Variants in CACNA1B observed in about 807,000 individuals in gnomAD.
CACNA1B encodes voltage-dependent N-type calcium channel subunit alpha-1B.
In CACNA1B, 70 loss-of-function variants were observed where a neutral mutation model predicts 247.2. That is an observed-to-expected ratio of 0.28 (90% CI 0.23 to 0.35). CACNA1B has a LOEUF of 0.35. Among genes scored for constraint, CACNA1B ranks in the 10% least tolerant of loss-of-function variants. The pLI is 1.00. For synonymous variants in CACNA1B, 1,231 were observed against 1,294.4 expected (o/e 0.95, Z 1.05); for missense variants, 2,367 against 3,197.4 (o/e 0.74, Z 6.26).
At chr9:138,097,976 G>A (rs1961112433) in intron 37 of CACNA1B, among the ~76,000 whole-genome samples, 1 of 152,196 alleles carries the variant, frequency 6.6e-6, no homozygotes, top group Non-Finnish European at 1.5e-5. Flanking sequence ...GCCCTTCCCA[G>A]TCTGGACAAG....
intron 3 of CACNA1B, among the ~76,000 whole-genome samples, chr9:137,900,776 C>T (rs1564880974): frequency 2.5e-5 from 3 of 117,980 alleles, no homozygotes; most frequent in Non-Finnish European, 3.4e-5. Context: ...TCTGTGTGTC[C>T]CTGTGTCCTT....
chr9:137,991,547 A>C lies in CACNA1B; in HGVS notation c.1974+4693A>C, dbSNP rs150838817. Among the ~76,000 whole-genome samples the C allele has an allele frequency of 4.0e-3, 603 of 152,354 alleles. 5 individuals are homozygous for C. The highest frequency in any genetic ancestry group is 0.014 in the African/African-American group (576 of 41,586). On this transcript the variant is annotated intron_variant, in intron 15 of 46. Transcript: ENST00000371372. ...ACCTAGCCTTGCTAGAGATCTAGACATCCAAATACAAGAACTCAAAAAACA... is the reference window on the plus strand; with the variant it reads ...ACCTAGCCTTGCTAGAGATCTAGACCTCCAAATACAAGAACTCAAAAAACA...
intron 6 of CACNA1B, among the ~76,000 whole-genome samples, chr9:137,947,825 A>G (rs963408540): frequency 6.6e-6 from 1 of 151,730 alleles, no homozygotes; most frequent in Non-Finnish European, 1.5e-5. Flanking sequence ...CCATATAGGT[A>G]TGGTATCATT....
intron 3 of CACNA1B, chr9:137,890,122 G>A (rs1235421311): frequency 2.7e-5 from 4 of 149,780 alleles, no homozygotes; most frequent in Non-Finnish European, 4.5e-5. Flanking sequence ...TGCCTGAGGA[G>A]CCCAAATCCA....
chr9:137,996,893 T>TACAGATCACTTCTGCAAAC (rs1958507679), intron 15 of CACNA1B, among the ~76,000 whole-genome samples: 2 of 152,130 alleles, frequency 1.3e-5, no homozygotes, highest in African/African-American at 4.8e-5. Context: ...CTTCTGCAAA[T>TACAGATCACTTCTGCAAAC]ACAGATCACT....
chr9:138,023,258 G>A lies in CACNA1B; in HGVS notation c.2515G>A (p.Ala839Thr), dbSNP rs1361489058. 6.6e-7 allele frequency: 1 copy of A among 1,515,182 alleles called. No individual in the cohort carries two copies. Among genetic ancestry groups the A allele is most frequent in the South Asian group, 1.2e-5 (1 of 81,484 alleles). The allele number at this position is 1,515,182 out of a possible 1,614,324, so 93.9% of individuals were successfully genotyped here. A position where few individuals can be genotyped will look rare whatever the true frequency, so the allele number is the denominator to read the frequency against. The change falls in exon 19 of 47, where the codon GCG becomes ACG. Residue 839 changes from alanine to threonine, a missense_variant. This residue lies in a region of CACNA1B where 631 missense variants were observed against 631.1 expected (regional missense o/e 1.00). Coordinates refer to ENST00000371372, the MANE Select transcript of CACNA1B (RefSeq NM_000718.4). ...PVGGKARPEAAEAPEGVDPPR... is the reference protein window; with the variant it reads ...PVGGKARPEATEAPEGVDPPR... Reference sequence around the variant, plus strand: ...GGGAGGCAAAGCCCGACCTGAGGCTGCGGAGGCCCCCGAGGGCGTCGACCC... The same window carrying A: ...GGGAGGCAAAGCCCGACCTGAGGCTACGGAGGCCCCCGAGGGCGTCGACCC...
chr9:138,118,812 G>T (rs200225157), intron 44 of CACNA1B, 44 bp downstream of exon 44: 50 of 879,046 alleles, frequency 5.7e-5, no homozygotes, highest in Non-Finnish European at 7.8e-5. Context: ...GGGCAAGTGG[G>T]GGGTGGGGAA....
Position 138,122,048 on chromosome 9 carries a change from G to A in CACNA1B, c.*49G>A, listed in dbSNP as rs200850115. The A allele has an allele frequency of 6.6e-6, 10 of 1,510,560 alleles. No homozygotes were observed. In the South Asian group the frequency reaches 9.7e-5, roughly 15 times the overall value. The allele number at this position is 1,510,560 out of a possible 1,614,324, so 93.6% of individuals were successfully genotyped here. A position where few individuals can be genotyped will look rare whatever the true frequency, so the allele number is the denominator to read the frequency against. The stretch of plus-strand genomic sequence containing the variant: ...CTGCATGCAGCAGGCGTGTGTTCCA[G>A]TGGATGAGTTTTATCATCCACACGG... On this transcript the variant is annotated 3_prime_UTR_variant, in exon 47 of 47. Transcript: ENST00000371372.
At chr9:138,041,390 C>T (rs1959120193) in intron 20 of CACNA1B, among the ~76,000 whole-genome samples, 1 of 150,668 alleles carries the variant, frequency 6.6e-6, no homozygotes, top group South Asian at 2.1e-4. Flanking sequence ...AGTGAAAGCT[C>T]TCTTCCTTTC....
At chr9:137,949,116 TG>T (rs1313189434) in intron 6 of CACNA1B, among the ~76,000 whole-genome samples, 8 of 574 alleles carry the variant, frequency 0.014, no homozygotes, top group South Asian at 0.05. Context: ...GGTGGCTGTG[TG>T]TCCAGTGTGT....
Position 138,102,461 on chromosome 9 carries a change from G to T in CACNA1B, c.5223-250G>T, listed in dbSNP as rs767210510. Among the ~76,000 whole-genome samples, 2 of 152,084 alleles carry T rather than the reference G, an allele frequency of 1.3e-5. No individual in the cohort carries two copies. Among genetic ancestry groups the T allele is most frequent in the Admixed American group, 6.5e-5 (1 of 15,284 alleles). On this transcript the variant is annotated intron_variant, in intron 37 of 46. Coordinates refer to ENST00000371372, the MANE Select transcript of CACNA1B (RefSeq NM_000718.4). The surrounding 1 kb of genome is among the most constrained non-coding windows in gnomAD (Gnocchi z 5.4). ...AGACGCCACCCCCGCCCACTGCCCC[G>T]CGTGGGGCTGGAGTGAGGAGGTGAG...
In CACNA1B at chr9:138,063,279, G is replaced by A. The variant is rs975848921; in HGVS notation, c.4668+3542G>A. ...AGGCCAAGGTAGAAAGATCACTTCAGCCTAGGAGTTGGAGACTAGCCTAGG... is the reference window on the plus strand; with the variant it reads ...AGGCCAAGGTAGAAAGATCACTTCAACCTAGGAGTTGGAGACTAGCCTAGG... On this transcript the variant is annotated intron_variant, in intron 31 of 46. Coordinates refer to ENST00000371372, the MANE Select transcript of CACNA1B (RefSeq NM_000718.4). Among the ~76,000 whole-genome samples the A allele has an allele frequency of 3.2e-4, 49 of 152,192 alleles. 1 individual carries two copies. Among genetic ancestry groups the A allele is most frequent in the Admixed American group, 5.9e-4 (9 of 15,278 alleles).
intron 31 of CACNA1B, among the ~76,000 whole-genome samples, chr9:138,067,779 C>T (rs1282117794): frequency 2.6e-5 from 4 of 152,270 alleles, no homozygotes; most frequent in South Asian, 2.1e-4. Context: ...AGCAGCCCCT[C>T]GAAAGTTGGA....
At chr9:137,938,031 A>G (rs559234239) in intron 6 of CACNA1B, among the ~76,000 whole-genome samples, 1 of 152,000 alleles carries the variant, frequency 6.6e-6, no homozygotes, top group Non-Finnish European at 1.5e-5. Flanking sequence ...GGTAACCTAT[A>G]AAGGAAAATC....
chr9:137,928,089 T>A (rs1284571277), intron 6 of CACNA1B, among the ~76,000 whole-genome samples: 1 of 152,116 alleles, frequency 6.6e-6, no homozygotes, highest in African/African-American at 2.4e-5. Context: ...GATCTGTAAT[T>A]TTCTTGTCTT....
At chr9:138,049,810 C>T (rs1959217480) in intron 24 of CACNA1B, among the ~76,000 whole-genome samples, 1 of 152,218 alleles carries the variant, frequency 6.6e-6, no homozygotes, top group Admixed American at 6.5e-5. Flanking sequence ...TCCTCTGACT[C>T]CTGAGCCAGT....
At chr9:138,000,703 C>T (rs938924042) in intron 15 of CACNA1B, among the ~76,000 whole-genome samples, 2 of 152,152 alleles carry the variant, frequency 1.3e-5, no homozygotes, top group African/African-American at 2.4e-5. Flanking sequence ...CAGACCAGAA[C>T]GCAAGCTCCA....
rs541793975 is a variant in CACNA1B, at chr9:138,054,526, T to G, written c.3968+520T>G. 6.6e-6 allele frequency among the ~76,000 whole-genome samples: 1 copy of G among 152,336 alleles called. No individual in the cohort carries two copies. Among genetic ancestry groups the G allele is most frequent in the Admixed American group, 6.5e-5 (1 of 15,306 alleles). On this transcript the variant is annotated intron_variant, in intron 26 of 46. Transcript: ENST00000371372. The surrounding 1 kb of genome is among the most constrained non-coding windows in gnomAD (Gnocchi z 4.6). ...ACCCCGGGCAAGGCAGTACCCACAG[T>G]GTCTTCCTGCCCACGCGGCAGCGTC...
Position 138,121,406 on chromosome 9 carries a change from T to G in CACNA1B, c.6490-63T>G. ...GCACCTGTGTGTGATGTGCTCTGTC[T>G]GTTGGTTCGGCTTTTTTTTTTTTTT... On this transcript the variant is annotated intron_variant, in intron 46 of 46. Coordinates refer to ENST00000371372, the MANE Select transcript of CACNA1B (RefSeq NM_000718.4). The surrounding 1 kb of genome is among the most constrained non-coding windows in gnomAD (Gnocchi z 6.8). 1 of 1,304,600 alleles carries G rather than the reference T, an allele frequency of 7.7e-7. No individual in the cohort carries two copies. Among genetic ancestry groups the G allele is most frequent in the Non-Finnish European group, 1.0e-6 (1 of 963,772 alleles). 80.8% of individuals were successfully genotyped at this position (1,304,600 alleles called of 1,614,324 possible).
Sources: gnomAD v4.1 joint callset for allele counts (sites outside exome capture counted in the v4.1 genomes callset) on GRCh38, gnomAD v4.1.1 for gene constraint, gnomAD v4.1.1 regional missense constraint, Gnocchi (gnomAD v3.1) non-coding constraint, MANE v1.5 for transcripts, NCBI Gene and HGNC (gene_info 2026-07-23, HGNC 2026-07-21) for gene names.